Variants in KIF16B observed in about 807,000 individuals in gnomAD.
KIF16B encodes kinesin family member 16B.
KIF16B carries 98 observed loss-of-function variants against 156.3 expected under a neutral mutation model. The observed-to-expected ratio is 0.63, with a 90% CI of 0.53 to 0.74. The LOEUF is 0.74. Ranked by LOEUF, KIF16B falls within the 30% of genes least tolerant of loss-of-function variation. KIF16B has a pLI of 0.00. For missense variants in KIF16B, 1,421 were observed against 1,606.5 expected (o/e 0.88, Z 1.97); for synonymous variants, 564 against 583.7 (o/e 0.97, Z 0.49).
At chr20:16,348,654 T>C (rs1359715040) in intron 23 of KIF16B, among the ~76,000 whole-genome samples, 1 of 152,126 alleles carries the variant, frequency 6.6e-6, no homozygotes, top group Non-Finnish European at 1.5e-5. Flanking sequence ...TGCAGCTAAT[T>C]AGTGTTAAAT....
intron 23 of KIF16B, among the ~76,000 whole-genome samples, chr20:16,349,344 C>T (rs751433729): frequency 3.9e-5 from 6 of 152,130 alleles, no homozygotes; most frequent in South Asian, 2.1e-4. Context: ...CCTTTCTGTA[C>T]GGTGCAGTTG....
chr20:16,329,713 T>C (rs2063916199), intron 24 of KIF16B, among the ~76,000 whole-genome samples: 1 of 152,204 alleles, frequency 6.6e-6, no homozygotes, highest in African/African-American at 2.4e-5. Flanking sequence ...GCTATTATCT[T>C]GCATAATACA....
At chr20:16,551,362 T>C (rs890121371) in intron 1 of KIF16B, among the ~76,000 whole-genome samples, 18 of 152,060 alleles carry the variant, frequency 1.2e-4, no homozygotes, top group African/African-American at 4.3e-4. Flanking sequence ...TCTCCTGACC[T>C]CAGGTGATCT....
At chr20:16,472,449 C>G (rs1341406476) in intron 12 of KIF16B, among the ~76,000 whole-genome samples, 1 of 151,494 alleles carries the variant, frequency 6.6e-6, no homozygotes, top group Admixed American at 6.6e-5. Context: ...CCCAAACCCT[C>G]TAAACTGCCA....
At chr20:16,386,186 G>C (rs2065225259) in intron 17 of KIF16B, among the ~76,000 whole-genome samples, 1 of 152,170 alleles carries the variant, frequency 6.6e-6, no homozygotes, top group South Asian at 2.1e-4. Context: ...GAATAAAGGA[G>C]CTTGCTGCAA....
intron 23 of KIF16B, among the ~76,000 whole-genome samples, chr20:16,350,893 G>GC (rs940892598): frequency 3.0e-5 from 4 of 131,922 alleles, no homozygotes; most frequent in African/African-American, 1.6e-4. Flanking sequence ...GGTGGGCACT[G>GC]GGGGGGGGTC....
chr20:16,402,921 A>T (rs754910819), intron 17 of KIF16B, among the ~76,000 whole-genome samples: 1 of 152,246 alleles, frequency 6.6e-6, no homozygotes, highest in Non-Finnish European at 1.5e-5. Context: ...TACTTTTAAG[A>T]GAACTACACT....
chr20:16,411,629 A>G (rs980880391), intron 15 of KIF16B, among the ~76,000 whole-genome samples: 5 of 152,012 alleles, frequency 3.3e-5, no homozygotes, highest in Non-Finnish European at 7.4e-5. Context: ...GGACCTGCGC[A>G]GGGTATCATG....
intron 20 of KIF16B, among the ~76,000 whole-genome samples, chr20:16,372,784 G>A (rs781479927): frequency 2.0e-5 from 3 of 152,094 alleles, no homozygotes; most frequent in Non-Finnish European, 2.9e-5. Flanking sequence ...TGCAACCTCC[G>A]CCTCCTGGGT....
chr20:16,492,809 C>T (rs558350428), intron 12 of KIF16B, among the ~76,000 whole-genome samples: 3 of 152,104 alleles, frequency 2.0e-5, no homozygotes, highest in South Asian at 2.1e-4. Context: ...AAATAGCTAA[C>T]GGTTTGATTT....
intron 1 of KIF16B, 86 bp downstream of exon 1, chr20:16,573,143 T>G (rs2071516594): frequency 3.0e-6 from 4 of 1,340,574 alleles, no homozygotes; most frequent in Non-Finnish European, 3.1e-6. Context: ...CACTTTTAAG[T>G]CCAGGCTGGC....
chr20:16,301,726 G>A (rs1284241993), intron 25 of KIF16B, among the ~76,000 whole-genome samples: 2 of 151,992 alleles, frequency 1.3e-5, no homozygotes, highest in African/African-American at 2.4e-5. Flanking sequence ...TGCTATCGTG[G>A]CTCACTGCAA....
chr20:16,465,014 TCTAA>T (rs1216968684), intron 12 of KIF16B, among the ~76,000 whole-genome samples: 1 of 152,188 alleles, frequency 6.6e-6, no homozygotes. Flanking sequence ...CTTTGATAAA[TCTAA>T]CTGTTAAAAC....
At chr20:16,482,178 C>T (rs59144709) in intron 12 of KIF16B, among the ~76,000 whole-genome samples, 2,990 of 152,074 alleles carry the variant, frequency 0.02, 102 homozygotes, top group African/African-American at 0.069. Context: ...TCAGTAGATG[C>T]CCATTTGCTA....
rs540279488 is a variant in KIF16B at position 16,449,475 on chromosome 20, T to A, written c.1303-19493A>T. Reference sequence around the variant, plus strand: ...AGTTCTTCACTCACATAGTTCTTCATGTGCAAAAGTAGCAAAATCACCAAA... The same window carrying A: ...AGTTCTTCACTCACATAGTTCTTCAAGTGCAAAAGTAGCAAAATCACCAAA... On this transcript the variant is annotated intron_variant, in intron 12 of 25. Transcript: ENST00000354981. Among the ~76,000 whole-genome samples the A allele has an allele frequency of 9.4e-4, 143 of 152,312 alleles. 1 individual carries two copies. Among genetic ancestry groups the A allele is most frequent in the Non-Finnish European group, 1.9e-3 (129 of 68,024 alleles).
At chr20:16,415,347 T>C (rs1341392891) in intron 15 of KIF16B, among the ~76,000 whole-genome samples, 1 of 152,170 alleles carries the variant, frequency 6.6e-6, no homozygotes, top group Non-Finnish European at 1.5e-5. Context: ...TCATACGCAC[T>C]CCACAGTGTC....
intron 3 of KIF16B, among the ~76,000 whole-genome samples, chr20:16,520,352 T>C (rs1299813498): frequency 6.6e-6 from 1 of 152,070 alleles, no homozygotes; most frequent in Non-Finnish European, 1.5e-5. Flanking sequence ...GGGAGGGGCA[T>C]CCACCATTAC....
chr20:16,555,467 T>G (rs2070813850), intron 1 of KIF16B, among the ~76,000 whole-genome samples: 1 of 152,158 alleles, frequency 6.6e-6, no homozygotes, highest in Non-Finnish European at 1.5e-5. Flanking sequence ...ATTATGAGGC[T>G]AATGACATCC....
At chr20:16,514,582 GAAAAAAAAA>G (rs540602451) in intron 4 of KIF16B, among the ~76,000 whole-genome samples, 4 of 76,914 alleles carry the variant, frequency 5.2e-5, no homozygotes, top group African/African-American at 1.7e-4. Context: ...TAAGAAATAA[GAAAAAAAAA>G]AAAAAAAAAA....
Sources: allele counts gnomAD v4.1 joint callset (sites outside exome capture counted in the v4.1 genomes callset), GRCh38; gene constraint gnomAD v4.1.1; transcripts MANE v1.5; gene names NCBI Gene and HGNC (gene_info 2026-07-23, HGNC 2026-07-21).